ZBTB49: variants seen among roughly 807,000 people sequenced by gnomAD.
ZBTB49 encodes the protein zinc finger and BTB domain containing 49.
A neutral mutation model predicts 57.5 loss-of-function variants in ZBTB49; 43 were observed. The ratio of observed to expected loss-of-function variants is 0.75; its 90% CI spans 0.59 to 0.97. The LOEUF is 0.97. Among genes scored for constraint, ZBTB49 ranks in the 50% least tolerant of loss-of-function variants. The pLI is 0.00. For missense variants in ZBTB49, 938 were observed against 947.7 expected (o/e 0.99, Z 0.13); for synonymous variants, 369 against 362.1 (o/e 1.02, Z -0.22).
intron 5 of ZBTB49, among the ~76,000 whole-genome samples, chr4:4,314,188 C>T (rs985121857): frequency 2.6e-5 from 4 of 152,216 alleles, no homozygotes; most frequent in South Asian, 2.1e-4. Context: ...GCTACCTGAA[C>T]GCTGAAAGTC....
chr4:4,299,859 T>G (rs1304587874), intron 1 of ZBTB49, 68 bp from the exon 2 acceptor site: 4 of 1,462,412 alleles, frequency 2.7e-6, no homozygotes, highest in Non-Finnish European at 3.7e-6. Context: ...ATCAGTAAGT[T>G]TCAGTCCCAT....
chr4:4,306,221 C>G, intron 4 of ZBTB49, 37 bp downstream of exon 4: 1 of 1,554,066 alleles, frequency 6.4e-7, no homozygotes, highest in East Asian at 2.2e-5. Context: ...TAATTGGAAA[C>G]CTGCAACACA....
intron 1 of ZBTB49, among the ~76,000 whole-genome samples, chr4:4,296,117 A>T (rs1720188160): frequency 6.6e-6 from 1 of 152,210 alleles, no homozygotes; most frequent in Admixed American, 6.5e-5. Context: ...GATGGGACAG[A>T]TCAGGGACAT....
intron 7 of ZBTB49, among the ~76,000 whole-genome samples, chr4:4,316,769 C>T (rs537718549): frequency 7.9e-5 from 12 of 152,190 alleles, no homozygotes; most frequent in African/African-American, 1.9e-4. Context: ...AGAGGAAACT[C>T]GGTTTTTGTC....
At chr4:4,303,726 T>TTCTCTCTCTCTCTCTCTCTCTC (rs148456390) in intron 3 of ZBTB49, among the ~76,000 whole-genome samples, 5 of 121,738 alleles carry the variant, frequency 4.1e-5, no homozygotes, top group Non-Finnish European at 8.6e-5. Flanking sequence ...TTTTAAGGTA[T>TTCTCTCTCTCTCTCTCTCTCTC]TCTCTCTCTC....
rs545062135 is a variant in ZBTB49 at position 4,309,035 on chromosome 4, C to T, written c.1302+2851C>T. The stretch of plus-strand genomic sequence containing the variant: ...GAATGCCCACCGGCCCATCCTCCAC[C>T]GTATGCCTAACATTATTTTCTTGTA... On this transcript the variant is annotated intron_variant, in intron 4 of 7. Transcript: ENST00000337872. Among the ~76,000 whole-genome samples the T allele has an allele frequency of 5.9e-5, 9 of 152,316 alleles. No individual in the cohort carries two copies. The South Asian group carries it at 1.7e-3, about 28-fold the overall frequency.
chr4:4,301,525 A>G (rs1279192066), intron 2 of ZBTB49, among the ~76,000 whole-genome samples: 2 of 152,198 alleles, frequency 1.3e-5, no homozygotes, highest in Non-Finnish European at 2.9e-5. Flanking sequence ...CTAAAATATA[A>G]TACTTGTCAG....
Position 4,300,774 on chromosome 4 carries a change from C to G in ZBTB49, c.152+677C>G, listed in dbSNP as rs1720438954. Reference sequence around the variant, plus strand: ...CCAGCCTGAGCAACAGAGGGAGACTCTGTCTCTTAAAAAAAAAAAAAAATT... The same window carrying G: ...CCAGCCTGAGCAACAGAGGGAGACTGTGTCTCTTAAAAAAAAAAAAAAATT... On this transcript the variant is annotated intron_variant, in intron 2 of 7. Transcript: ENST00000337872. 2.1e-5 allele frequency among the ~76,000 whole-genome samples: 3 copies of G among 141,224 alleles called. No homozygotes were observed. The Admixed American group carries it at 2.2e-4, about 10-fold the overall frequency. 92.6% of individuals were successfully genotyped at this position (141,224 alleles called of 152,430 possible).
At chr4:4,298,837 C>T (rs542848823) in intron 1 of ZBTB49, among the ~76,000 whole-genome samples, 4 of 152,304 alleles carry the variant, frequency 2.6e-5, no homozygotes, top group African/African-American at 7.2e-5. Flanking sequence ...CATCCAAGAC[C>T]GTGGCTTACT....
intron 1 of ZBTB49, 141 bp from the exon 2 acceptor site, chr4:4,299,786 T>TGG: frequency 3.0e-6 from 2 of 667,182 alleles, no homozygotes; most frequent in Non-Finnish European, 5.0e-6. Flanking sequence ...GGTGTGTGTG[T>TGG]GTGTGTGTGT....
intron 4 of ZBTB49, among the ~76,000 whole-genome samples, chr4:4,311,570 C>G (rs1333324288): frequency 1.3e-5 from 2 of 152,206 alleles, no homozygotes; most frequent in East Asian, 3.8e-4. Flanking sequence ...GTATTAATTT[C>G]TGGCCCCACC....
intron 7 of ZBTB49, among the ~76,000 whole-genome samples, chr4:4,318,896 T>TC: frequency 2.0e-5 from 1 of 50,648 alleles, no homozygotes; most frequent in Non-Finnish European, 5.0e-5. Flanking sequence ...TTTTTAATCT[T>TC]TTTTTTTTTT....
Position 4,302,341 on chromosome 4 carries a change from A to G in ZBTB49, c.505A>G (p.Thr169Ala). 1 of 1,614,226 alleles carries G rather than the reference A, an allele frequency of 6.2e-7. No individual in the cohort carries two copies. Among genetic ancestry groups the G allele is most frequent in the Non-Finnish European group, 8.5e-7 (1 of 1,180,036 alleles). The change falls in exon 3 of 8, where the codon ACG (threonine) becomes GCG (alanine). Residue 169 changes from threonine to alanine, a missense_variant. By Grantham distance (58) the Thr-to-Ala change is moderately conservative (BLOSUM62 0). Around this residue, in one of 3 missense-constraint regions of ZBTB49, gnomAD observed 835 missense variants for 819.1 expected, o/e 1.02. Coordinates refer to ENST00000337872, the MANE Select transcript of ZBTB49 (RefSeq NM_145291.4). The stretch of plus-strand genomic sequence containing the variant: ...TTCAGCAGATGCACAGCAGAACAAA[A>G]CGTTGGATGAATCGCATCCGCATGC... ...ECSADAQQNK[T>A]LDESHPHASP...
chr4:4,307,156 C>T (rs577318529), intron 4 of ZBTB49, among the ~76,000 whole-genome samples: 1 of 152,358 alleles, frequency 6.6e-6, no homozygotes, highest in South Asian at 2.1e-4. Context: ...TCACCAAGTC[C>T]TCGCCGTCTC....
At chr4:4,309,421 T>G (rs1305979977) in intron 4 of ZBTB49, among the ~76,000 whole-genome samples, 1 of 152,156 alleles carries the variant, frequency 6.6e-6, no homozygotes, top group Non-Finnish European at 1.5e-5. Flanking sequence ...CATGGACTGT[T>G]TGGAGGGCAC....
At chr4:4,310,624 C>T (rs1720948377) in intron 4 of ZBTB49, among the ~76,000 whole-genome samples, 1 of 151,618 alleles carries the variant, frequency 6.6e-6, no homozygotes, top group Admixed American at 6.6e-5. Context: ...ATTCTCCTGC[C>T]TCAGCCTCCT....
At chr4:4,314,240 C>G (rs868324720) in intron 5 of ZBTB49, among the ~76,000 whole-genome samples, 1 of 152,382 alleles carries the variant, frequency 6.6e-6, no homozygotes, top group South Asian at 2.1e-4. Flanking sequence ...TTCCAGATGC[C>G]TGGGAGCATA....
chr4:4,291,151 G>A (rs1466644880), intron 1 of ZBTB49, among the ~76,000 whole-genome samples: 1 of 152,204 alleles, frequency 6.6e-6, no homozygotes, highest in African/African-American at 2.4e-5. Flanking sequence ...AGGTGTATTA[G>A]TTTGCTAGGA....
intron 7 of ZBTB49, among the ~76,000 whole-genome samples, chr4:4,318,117 T>C (rs1005206086): frequency 2.0e-5 from 3 of 152,294 alleles, no homozygotes; most frequent in Admixed American, 6.5e-5. Context: ...GTCATTCCCC[T>C]GTGCCCTCCT....
Sources: gnomAD v4.1 joint callset for allele counts (sites outside exome capture counted in the v4.1 genomes callset) on GRCh38, gnomAD v4.1.1 for gene constraint, gnomAD v4.1.1 regional missense constraint, MANE v1.5 for transcripts, NCBI Gene and HGNC (gene_info 2026-07-23, HGNC 2026-07-21) for gene names.